PLCB1: variants seen among roughly 807,000 people sequenced by gnomAD.
PLCB1 encodes 1-phosphatidylinositol 4,5-bisphosphate phosphodiesterase beta-1.
In PLCB1, 46 loss-of-function variants were observed where a neutral mutation model predicts 161.8. The observed-to-expected ratio is 0.28, with a 90% CI of 0.22 to 0.36. PLCB1 has a LOEUF of 0.36. PLCB1 is among the 10% of genes least tolerant of loss of function. The pLI is 1.00. For synonymous variants in PLCB1, 517 were observed against 503.7 expected, an observed-to-expected ratio of 1.03 and a Z score of -0.35; for missense variants, 1,016 against 1,472.5, an observed-to-expected ratio of 0.69 and a Z score of 5.07.
chr20:8,851,491 G>A (rs942179837), intron 31 of PLCB1, among the ~76,000 whole-genome samples: 4 of 152,142 alleles, frequency 2.6e-5, no homozygotes, highest in Non-Finnish European at 4.4e-5. Context: ...CTTTCAGTTC[G>A]AAGTGCCTTA....
intron 31 of PLCB1, among the ~76,000 whole-genome samples, chr20:8,823,535 G>C (rs1484456772): frequency 6.6e-6 from 1 of 152,198 alleles, no homozygotes; most frequent in Non-Finnish European, 1.5e-5. Context: ...AGGGACAACT[G>C]TATTATATTA....
chr20:8,534,003 A>G (rs1984938381), intron 3 of PLCB1, among the ~76,000 whole-genome samples: 1 of 152,312 alleles, frequency 6.6e-6, no homozygotes, highest in Non-Finnish European at 1.5e-5. Context: ...TTTACGTCTA[A>G]CGTTTAGGTC....
At chr20:8,587,617 A>G (rs1210309886) in intron 3 of PLCB1, among the ~76,000 whole-genome samples, 1 of 152,178 alleles carries the variant, frequency 6.6e-6, no homozygotes, top group Non-Finnish European at 1.5e-5. Context: ...TCCAGGCAAG[A>G]TTGCATGGGG....
chr20:8,199,313 C>T (rs1426908039), intron 2 of PLCB1, among the ~76,000 whole-genome samples: 1 of 151,920 alleles, frequency 6.6e-6, no homozygotes, highest in Admixed American at 6.6e-5. Context: ...CAGATGTTTC[C>T]CTTTGGGTAA....
chr20:8,549,575 C>T (rs780303377), intron 3 of PLCB1, among the ~76,000 whole-genome samples: 10 of 152,070 alleles, frequency 6.6e-5, no homozygotes, highest in East Asian at 3.9e-4. Flanking sequence ...TGATAGCGAA[C>T]GAATTCTCAT....
At chr20:8,747,594 T>C (rs746616850) in intron 23 of PLCB1, among the ~76,000 whole-genome samples, 1 of 152,176 alleles carries the variant, frequency 6.6e-6, no homozygotes, top group Non-Finnish European at 1.5e-5. Context: ...GTGAGTGAGC[T>C]GAAATTCATC....
At chr20:8,877,036 T>G (rs1987805776) in intron 31 of PLCB1, among the ~76,000 whole-genome samples, 1 of 141,362 alleles carries the variant, frequency 7.1e-6, no homozygotes, top group East Asian at 2.1e-4. Context: ...AAGGTTATGA[T>G]TACAAGGAGG....
At chr20:8,416,459 CAA>C (rs1235141873) in intron 3 of PLCB1, among the ~76,000 whole-genome samples, 2 of 152,092 alleles carry the variant, frequency 1.3e-5, no homozygotes, top group African/African-American at 4.8e-5. Context: ...CCTTGAAAAT[CAA>C]AGAGATGTGT....
At chr20:8,712,209 C>T (rs543955725) in intron 12 of PLCB1, among the ~76,000 whole-genome samples, 1 of 151,902 alleles carries the variant, frequency 6.6e-6, no homozygotes, top group African/African-American at 2.4e-5. Context: ...GCAGGAGAAT[C>T]GCTTGAACCT....
chr20:8,674,082 T>A (rs535818810), intron 9 of PLCB1, among the ~76,000 whole-genome samples: 1 of 152,348 alleles, frequency 6.6e-6, no homozygotes, highest in African/African-American at 2.4e-5. Flanking sequence ...TTCAAGTACA[T>A]GTTTTGTCTC....
intron 3 of PLCB1, among the ~76,000 whole-genome samples, chr20:8,580,006 G>A (rs1444458722): frequency 6.6e-6 from 1 of 152,190 alleles, no homozygotes; most frequent in Non-Finnish European, 1.5e-5. Flanking sequence ...TCTATTGTCT[G>A]GTACCTGGCC....
intron 3 of PLCB1, among the ~76,000 whole-genome samples, chr20:8,452,775 A>C (rs144999349): frequency 3.3e-3 from 504 of 152,362 alleles, no homozygotes; most frequent in Non-Finnish European, 5.9e-3. Flanking sequence ...ATTTAACCAG[A>C]TGAATACATT....
chr20:8,832,464 C>T (rs928287050), intron 31 of PLCB1, among the ~76,000 whole-genome samples: 3 of 152,206 alleles, frequency 2.0e-5, no homozygotes, highest in Non-Finnish European at 4.4e-5. Flanking sequence ...AGACTAGCAT[C>T]AGGAAAAACA....
At chr20:8,663,105 C>G (rs1362564502) in intron 9 of PLCB1, among the ~76,000 whole-genome samples, 2 of 151,800 alleles carry the variant, frequency 1.3e-5, no homozygotes, top group Non-Finnish European at 1.5e-5. Context: ...AAAGGCACTT[C>G]CATATAGCCT....
chr20:8,550,247 G>A (rs966289173), intron 3 of PLCB1, among the ~76,000 whole-genome samples: 25 of 152,110 alleles, frequency 1.6e-4, no homozygotes, highest in African/African-American at 5.8e-4. Flanking sequence ...TGAAATGTGA[G>A]GACATGAGAT....
At chr20:8,228,041 A>C (rs73897348) in intron 2 of PLCB1, among the ~76,000 whole-genome samples, 9 of 152,084 alleles carry the variant, frequency 5.9e-5, no homozygotes, top group Non-Finnish European at 1.5e-5. Context: ...TGAAAAATAA[A>C]AGTCGAATTC....
chr20:8,412,305 A>AC (rs1732292704), intron 3 of PLCB1, among the ~76,000 whole-genome samples: 1 of 152,190 alleles, frequency 6.6e-6, no homozygotes, highest in African/African-American at 2.4e-5. Context: ...GTTAGCCAAA[A>AC]CCAGTCACAT....
chr20:8,822,940 A>G (rs547710862), intron 31 of PLCB1, among the ~76,000 whole-genome samples: 2 of 152,328 alleles, frequency 1.3e-5, no homozygotes, highest in Non-Finnish European at 1.5e-5. Context: ...ATTTGGGGGA[A>G]AAAACGGTGT....
At chr20:8,228,258 G>C (rs1331294797) in intron 2 of PLCB1, among the ~76,000 whole-genome samples, 1 of 152,074 alleles carries the variant, frequency 6.6e-6, no homozygotes, top group African/African-American at 2.4e-5. Context: ...GAGGATGTTT[G>C]GTTAAATGGC....
Sources: gnomAD v4.1 joint callset for allele counts (sites outside exome capture counted in the v4.1 genomes callset) on GRCh38, gnomAD v4.1.1 for gene constraint, MANE v1.5 for transcripts, NCBI Gene and HGNC (gene_info 2026-07-23, HGNC 2026-07-21) for gene names.